KIRREL3: variants seen among roughly 807,000 people sequenced by gnomAD.
KIRREL3 encodes kin of IRRE-like protein 3.
In KIRREL3, 36 loss-of-function variants were observed where a neutral mutation model predicts 89.7. The ratio of observed to expected loss-of-function variants is 0.40; its 90% confidence interval spans 0.31 to 0.53. The LOEUF (loss-of-function observed/expected upper bound fraction) is 0.53. Among genes scored for constraint, KIRREL3 ranks in the 20% least tolerant of loss-of-function variants. The pLI is 0.49. For synonymous variants in KIRREL3, 445 were observed against 441.4 expected, an observed-to-expected ratio of 1.01 and a Z score of -0.10; for missense variants, 864 against 1,056.6, an observed-to-expected ratio of 0.82 and a Z score of 2.53.
chr11:126,801,333 C>G (rs961855989), intron 1 of KIRREL3, among the ~76,000 whole-genome samples: 1 of 152,126 alleles, frequency 6.6e-6, no homozygotes, highest in Admixed American at 6.5e-5. Flanking sequence ...TTTTGAGTTT[C>G]CACTTTAAGT....
Position 126,715,160 on chromosome 11 carries a change from G to T in KIRREL3, c.56-152248C>A, listed in dbSNP as rs569645031. Reference sequence around the variant, plus strand: ...CTAATAGAGTCTCTGTTTTGCCACCGGATAATTGTTTATTTCCTCTTTCAA... The same window carrying T: ...CTAATAGAGTCTCTGTTTTGCCACCTGATAATTGTTTATTTCCTCTTTCAA... On this transcript the variant is annotated intron_variant, in intron 1 of 16. Coordinates refer to ENST00000525144, the MANE Select transcript of KIRREL3 (RefSeq NM_032531.4). The surrounding 1 kb of genome is among the most constrained non-coding windows in gnomAD (Gnocchi z 4.4). 1.1e-3 allele frequency among the ~76,000 whole-genome samples: 161 copies of T among 152,300 alleles called. 2 individuals are homozygous for T. The South Asian group carries it at 0.024, about 23-fold the overall frequency.
Position 126,454,776 on chromosome 11 carries a change from C to T in KIRREL3, c.848+1573G>A, listed in dbSNP as rs1054490843. On this transcript the variant is annotated intron_variant, in intron 7 of 16. Transcript: ENST00000525144. This position sits in a 1 kb window ranked among gnomAD's most constrained non-coding sequence, Gnocchi z 5.8. ...GCTGGACCCACATGATTCTGGGGAG[C>T]CTGGAGTCCCCGGCTCAGAAGGGAC... Among the ~76,000 whole-genome samples, 3 of 152,248 alleles carry T rather than the reference C, an allele frequency of 2.0e-5. No homozygotes were observed. The highest frequency in any genetic ancestry group is 1.3e-4 in the Admixed American group (2 of 15,294).
chr11:126,540,021 T>A (rs538219640), intron 2 of KIRREL3, among the ~76,000 whole-genome samples: 1 of 152,298 alleles, frequency 6.6e-6, no homozygotes, highest in South Asian at 2.1e-4. Context: ...TTGAACCATA[T>A]CGGGATGGCA....
At chr11:126,457,886 G>C (rs1055411829) in intron 6 of KIRREL3, among the ~76,000 whole-genome samples, 1 of 152,170 alleles carries the variant, frequency 6.6e-6, no homozygotes, top group Non-Finnish European at 1.5e-5. Context: ...GCTCGAGGGG[G>C]CTGCAGCAGA....
chr11:126,712,678 T>C (rs1161884082), intron 1 of KIRREL3, among the ~76,000 whole-genome samples: 1 of 144,298 alleles, frequency 6.9e-6, no homozygotes, highest in East Asian at 1.9e-4. Context: ...GGAAAGTGGG[T>C]AGGGTCTTTA....
At chr11:126,465,459 T>C (rs1422995763) in intron 5 of KIRREL3, among the ~76,000 whole-genome samples, 1 of 152,072 alleles carries the variant, frequency 6.6e-6, no homozygotes, top group Non-Finnish European at 1.5e-5. Context: ...GCAGGACAGA[T>C]GGGAACAGTT....
At chr11:126,700,532 C>T (rs1335307170) in intron 1 of KIRREL3, among the ~76,000 whole-genome samples, 1 of 152,258 alleles carries the variant, frequency 6.6e-6, no homozygotes, top group Non-Finnish European at 1.5e-5. Context: ...TACTTTTGCA[C>T]TAACCTAATA....
intron 1 of KIRREL3, among the ~76,000 whole-genome samples, chr11:126,971,367 T>C (rs1949420171): frequency 1.3e-5 from 2 of 152,154 alleles, no homozygotes; most frequent in Non-Finnish European, 2.9e-5. Context: ...TCATTACAAA[T>C]TGCTTGGAAA....
intron 1 of KIRREL3, among the ~76,000 whole-genome samples, chr11:126,803,221 G>A (rs968807497): frequency 1.1e-4 from 17 of 152,156 alleles, no homozygotes; most frequent in East Asian, 1.9e-4. Context: ...AGTGTGAGAC[G>A]TCCATGCTGT....
chr11:126,590,268 CTAGA>C (rs386758598), intron 1 of KIRREL3, among the ~76,000 whole-genome samples: 1 of 151,470 alleles, frequency 6.6e-6, no homozygotes, highest in Non-Finnish European at 1.5e-5. Flanking sequence ...CAAGCAAAGC[CTAGA>C]AGAAGAACAT....
At chr11:126,659,339 CTT>C (rs1945291478) in intron 1 of KIRREL3, among the ~76,000 whole-genome samples, 1 of 152,182 alleles carries the variant, frequency 6.6e-6, no homozygotes, top group South Asian at 2.1e-4. Flanking sequence ...ATATTGAACA[CTT>C]ATCATAATGC....
Position 126,523,983 on chromosome 11 carries a change from C to G in KIRREL3, c.284-2519G>C, listed in dbSNP as rs1958673483. Among the ~76,000 whole-genome samples, 1 of 152,198 alleles carries G rather than the reference C, an allele frequency of 6.6e-6. No homozygotes were observed. The highest frequency in any genetic ancestry group is 1.5e-5 in the Non-Finnish European group (1 of 68,036). On this transcript the variant is annotated intron_variant, in intron 3 of 16. Transcript: ENST00000525144. This position sits in a 1 kb window ranked among gnomAD's most constrained non-coding sequence, Gnocchi z 4.9. The stretch of plus-strand genomic sequence containing the variant: ...TGGCAGCATCTTTGAAAATCAGACT[C>G]AGAAGCATGGATTCTGAGAAAGTTC...
Position 126,812,062 on chromosome 11 carries a change from C to G in KIRREL3, c.55+188393G>C, listed in dbSNP as rs1355421900. Reference sequence around the variant, plus strand: ...AAGGCACTTTTCGGGATTAGAGAATCTTCAAACTCAATATGCATAAGAACA... The same window carrying G: ...AAGGCACTTTTCGGGATTAGAGAATGTTCAAACTCAATATGCATAAGAACA... On this transcript the variant is annotated intron_variant, in intron 1 of 16. Transcript: ENST00000525144. This position sits in a 1 kb window ranked among gnomAD's most constrained non-coding sequence, Gnocchi z 5.2. 6.6e-6 allele frequency among the ~76,000 whole-genome samples: 1 copy of G among 152,156 alleles called. No homozygotes were observed. Among genetic ancestry groups the G allele is most frequent in the Admixed American group, 6.5e-5 (1 of 15,274 alleles).
chr11:126,700,042 A>G (rs958838371), intron 1 of KIRREL3, among the ~76,000 whole-genome samples: 4 of 152,134 alleles, frequency 2.6e-5, no homozygotes, highest in African/African-American at 7.2e-5. Context: ...AAAAATAAAA[A>G]AATTCATTGA....
At position 126,969,826 on chromosome 11, in the gene KIRREL3, C is replaced by G. The variant is rs147561597; in HGVS notation, c.55+30629G>C. The stretch of plus-strand genomic sequence containing the variant: ...AAGGAAGGAAAAAGGTAGCAGACAG[C>G]CTTTCCCTTCTCTTCTCCTTTCTCT... On this transcript the variant is annotated intron_variant, in intron 1 of 16. Transcript: ENST00000525144. The surrounding 1 kb of genome is among the most constrained non-coding windows in gnomAD (Gnocchi z 4.9). Among the ~76,000 whole-genome samples the G allele has an allele frequency of 2.6e-5, 4 of 152,264 alleles. No individual in the cohort carries two copies. The highest frequency in any genetic ancestry group is 4.1e-4 in the South Asian group (2 of 4,828).
intron 1 of KIRREL3, among the ~76,000 whole-genome samples, chr11:126,884,292 T>C (rs2134729697): frequency 6.6e-6 from 1 of 152,322 alleles, no homozygotes; most frequent in East Asian, 1.9e-4. Context: ...TCTAGGATTG[T>C]CATTGGAGAA....
rs1956467942 is a variant in KIRREL3, at chr11:126,459,141, C to T, written c.743-2687G>A. On this transcript the variant is annotated intron_variant, in intron 6 of 16. Coordinates refer to ENST00000525144, the MANE Select transcript of KIRREL3 (RefSeq NM_032531.4). This position sits in a 1 kb window ranked among gnomAD's most constrained non-coding sequence, Gnocchi z 4.8. ...CCAACGCTGGGACGTGAGTACCCAC[C>T]CCAAGTCTGGTTTGAGGAGGTGAGT... 6.6e-6 allele frequency among the ~76,000 whole-genome samples: 1 copy of T among 152,152 alleles called. No individual in the cohort carries two copies. The highest frequency in any genetic ancestry group is 2.4e-5 in the African/African-American group (1 of 41,418).
intron 10 of KIRREL3, among the ~76,000 whole-genome samples, chr11:126,442,334 AC>A (rs113786024): frequency 3.4e-5 from 4 of 118,180 alleles, no homozygotes; most frequent in Non-Finnish European, 5.4e-5. Flanking sequence ...ACACACACAC[AC>A]ACACACACAC....
chr11:126,906,645 TTA>T lies in KIRREL3; in HGVS notation c.55+93808_55+93809del, dbSNP rs1250651067. Among the ~76,000 whole-genome samples, 3 of 152,160 alleles carry T rather than the reference TTA, an allele frequency of 2.0e-5. No individual in the cohort carries two copies. Among genetic ancestry groups the T allele is most frequent in the African/African-American group, 7.2e-5 (3 of 41,428 alleles). On this transcript the variant is annotated intron_variant, in intron 1 of 16. Coordinates refer to ENST00000525144, the MANE Select transcript of KIRREL3 (RefSeq NM_032531.4). This position sits in a 1 kb window ranked among gnomAD's most constrained non-coding sequence, Gnocchi z 4.1. ...GTTTTTTTTAGCATGTATGGGAACA[TTA>T]TATTCACCAAAAATCAGGACTAGCA...
Sources: allele counts gnomAD v4.1 joint callset (sites outside exome capture counted in the v4.1 genomes callset), GRCh38; gene constraint gnomAD v4.1.1; non-coding constraint Gnocchi (gnomAD v3.1); transcripts MANE v1.5; gene names NCBI Gene and HGNC (gene_info 2026-07-23, HGNC 2026-07-21).